ZNF638: variants seen among roughly 807,000 people sequenced by gnomAD.
The protein encoded by ZNF638 is CTCL tumor antigen se33-1.
In ZNF638, 46 loss-of-function variants were observed where a neutral mutation model predicts 195.6. The observed-to-expected ratio is 0.24, with a 90% confidence interval of 0.19 to 0.30. ZNF638 has a LOEUF of 0.30. Among genes scored for constraint, ZNF638 ranks in the 10% least tolerant of loss-of-function variants. The probability of loss-of-function intolerance (pLI) is 1.00; values close to 1 mark genes in which losing one functional copy is unlikely to be tolerated. For missense variants in ZNF638, 2,440 were observed against 2,325.3 expected (o/e 1.05, Z -1.01); for synonymous variants, 845 against 772.0 (o/e 1.09, Z -1.57).
chr2:71,386,741 A>T (rs1236120934), intron 10 of ZNF638, among the ~76,000 whole-genome samples: 1 of 152,244 alleles, frequency 6.6e-6, no homozygotes, highest in Non-Finnish European at 1.5e-5. Context: ...ATAATAATAA[A>T]AATGGTAGAA....
At chr2:71,334,921 CAAA>C (rs890541697) in intron 1 of ZNF638, among the ~76,000 whole-genome samples, 11 of 106,750 alleles carry the variant, frequency 1.0e-4, no homozygotes, top group African/African-American at 1.7e-4. Flanking sequence ...ACTCCGTCTC[CAAA>C]AAAAAAAACA....
intron 1 of ZNF638, among the ~76,000 whole-genome samples, chr2:71,335,054 T>A (rs2104063598): frequency 6.6e-6 from 1 of 152,316 alleles, no homozygotes; most frequent in South Asian, 2.1e-4. Flanking sequence ...TACATTATGT[T>A]TTTTTGCTTT....
intron 25 of ZNF638, among the ~76,000 whole-genome samples, chr2:71,429,941 T>A (rs2080622409): frequency 6.6e-6 from 1 of 152,174 alleles, no homozygotes; most frequent in South Asian, 2.1e-4. Context: ...AGGTGGTGGT[T>A]CAGTAATTAG....
intron 2 of ZNF638, among the ~76,000 whole-genome samples, chr2:71,352,498 A>T (rs1045280427): frequency 7.8e-6 from 1 of 128,950 alleles, no homozygotes; most frequent in Non-Finnish European, 1.6e-5. Flanking sequence ...AAAAAAATAA[A>T]AAAAAAAAAA....
chr2:71,406,634 T>C (rs1354693714), intron 19 of ZNF638, among the ~76,000 whole-genome samples: 1 of 152,196 alleles, frequency 6.6e-6, no homozygotes, highest in Non-Finnish European at 1.5e-5. Context: ...TATTACCCAA[T>C]ATTTCTTTAA....
chr2:71,409,338 G>A (rs2080166646), intron 20 of ZNF638, among the ~76,000 whole-genome samples: 1 of 152,068 alleles, frequency 6.6e-6, no homozygotes, highest in Admixed American at 6.5e-5. Context: ...TACTGTTTTT[G>A]TTAGACTGAA....
chr2:71,395,194 A>C, intron 10 of ZNF638: 1 of 716,938 alleles, frequency 1.4e-6, no homozygotes, highest in South Asian at 1.5e-5. Context: ...TTGATTGGAA[A>C]AAAATATTAC....
At position 71,370,023 on chromosome 2, in the gene ZNF638, C is replaced by A; in HGVS notation, c.2265+18C>A. On this transcript the variant is annotated intron_variant, in intron 8 of 27. Coordinates refer to ENST00000264447, the MANE Select transcript of ZNF638 (RefSeq NM_014497.5). Reference sequence around the variant, plus strand: ...AAGCACAGGTAATCTGGATTTAGGTCTTAAATGTTTTATCACTGTTGTTTT... The same window carrying A: ...AAGCACAGGTAATCTGGATTTAGGTATTAAATGTTTTATCACTGTTGTTTT... 1 of 1,578,800 alleles carries A rather than the reference C, an allele frequency of 6.3e-7. No individual in the cohort carries two copies. Among genetic ancestry groups the A allele is most frequent in the South Asian group, 1.2e-5 (1 of 83,170 alleles).
At chr2:71,420,695 G>GGC (rs1000390140) in intron 21 of ZNF638, among the ~76,000 whole-genome samples, 1 of 152,128 alleles carries the variant, frequency 6.6e-6, no homozygotes, top group African/African-American at 2.4e-5. Flanking sequence ...CCCAGAATGT[G>GGC]GCTGTTTTCA....
intron 1 of ZNF638, among the ~76,000 whole-genome samples, chr2:71,336,409 A>T (rs1489852325): frequency 6.7e-6 from 1 of 148,780 alleles, no homozygotes; most frequent in East Asian, 1.9e-4. Context: ...AACCAAAAAA[A>T]CACAAGTGCT....
intron 1 of ZNF638, among the ~76,000 whole-genome samples, chr2:71,342,947 C>T (rs1051172091): frequency 2.0e-5 from 3 of 151,954 alleles, no homozygotes; most frequent in Non-Finnish European, 4.4e-5. Context: ...TACTTTTTAT[C>T]ATTTCCAGTA....
intron 1 of ZNF638, among the ~76,000 whole-genome samples, chr2:71,342,606 AAAAG>A (rs1181028140): frequency 1.3e-5 from 2 of 152,224 alleles, no homozygotes; most frequent in African/African-American, 4.8e-5. Context: ...GGTGAGAGGA[AAAAG>A]AAAAGTACAT....
At chr2:71,398,609 A>G (rs951425896) in intron 11 of ZNF638, 92 bp from the exon 12 acceptor site, 20 of 998,886 alleles carry the variant, frequency 2.0e-5, no homozygotes, top group African/African-American at 1.1e-4. Flanking sequence ...AACACAGCCT[A>G]TTATTCTTAC....
At chr2:71,335,960 C>T (rs2078659344) in intron 1 of ZNF638, among the ~76,000 whole-genome samples, 1 of 152,116 alleles carries the variant, frequency 6.6e-6, no homozygotes, top group African/African-American at 2.4e-5. Flanking sequence ...CTATAAACTC[C>T]CCACCTACCT....
At chr2:71,422,289 T>C (rs571829053) in intron 21 of ZNF638, among the ~76,000 whole-genome samples, 2 of 152,174 alleles carry the variant, frequency 1.3e-5, no homozygotes, top group Admixed American at 6.5e-5. Flanking sequence ...TAAAAAAATA[T>C]TTTACATCCA....
At chr2:71,347,744 A>AAAC (rs2078874854) in intron 1 of ZNF638, among the ~76,000 whole-genome samples, 1 of 152,242 alleles carries the variant, frequency 6.6e-6, no homozygotes, top group Non-Finnish European at 1.5e-5. Context: ...GGGGTAGTAC[A>AAAC]GTCTGATGGG....
At chr2:71,338,533 T>C (rs1466460368) in intron 1 of ZNF638, among the ~76,000 whole-genome samples, 4 of 152,210 alleles carry the variant, frequency 2.6e-5, no homozygotes, top group African/African-American at 9.7e-5. Context: ...GTATCTAAAG[T>C]AGTTTCAGAA....
chr2:71,355,794 T>C lies in ZNF638; in HGVS notation c.1379+14T>C. 6.5e-7 allele frequency: 1 copy of C among 1,529,874 alleles called. No individual in the cohort carries two copies. The allele number at this position is 1,529,874 out of a possible 1,614,324, so 94.8% of individuals were successfully genotyped here. On this transcript the variant is annotated intron_variant, in intron 3 of 27. Coordinates refer to ENST00000264447, the MANE Select transcript of ZNF638 (RefSeq NM_014497.5). ...GTTACGTCAACAGTAAGAATATATT[T>C]TTCCTTTATTATAGATAGCATATTT... is the stretch of plus-strand genomic sequence containing the variant.
At chr2:71,360,285 A>G (rs1248221313) in intron 3 of ZNF638, among the ~76,000 whole-genome samples, 1 of 152,238 alleles carries the variant, frequency 6.6e-6, no homozygotes, top group African/African-American at 2.4e-5. Context: ...ATTTGAAAAT[A>G]AATTGCAGAC....
Sources: allele counts gnomAD v4.1 joint callset (sites outside exome capture counted in the v4.1 genomes callset), GRCh38; gene constraint gnomAD v4.1.1; transcripts MANE v1.5; gene names NCBI Gene and HGNC (gene_info 2026-07-23, HGNC 2026-07-21).